Variants in ZNF536 observed in about 807,000 individuals in gnomAD.
ZNF536 encodes the protein zinc finger protein 536.
Under a neutral mutation model 84.5 loss-of-function variants are expected in ZNF536, and 13 were observed. The observed-to-expected ratio is 0.15, with a 90% CI of 0.10 to 0.24. The LOEUF (loss-of-function observed/expected upper bound fraction) is 0.24. Ranked by LOEUF, ZNF536 falls within the 10% of genes least tolerant of loss-of-function variation. The pLI, the probability that ZNF536 is intolerant of heterozygous loss-of-function variation, is 1.00. For missense variants in ZNF536, 1,536 were observed against 1,747.5 expected, an observed-to-expected ratio of 0.88 and a Z score of 2.16; for synonymous variants, 811 against 742.5, an observed-to-expected ratio of 1.09 and a Z score of -1.50.
At chr19:30,672,501 C>T (rs1214073725) in intron 1 of ZNF536, among the ~76,000 whole-genome samples, 5 of 152,180 alleles carry the variant, frequency 3.3e-5, no homozygotes, top group Non-Finnish European at 7.3e-5. Context: ...TTTCAGGGTC[C>T]ATACAGCAAA....
intron 2 of ZNF536, among the ~76,000 whole-genome samples, chr19:30,297,572 A>G (rs1032439986): frequency 6.6e-6 from 1 of 152,120 alleles, no homozygotes; most frequent in African/African-American, 2.4e-5. Context: ...TCAGAACTCT[A>G]TTTTTTCCTC....
At chr19:30,544,747 G>A (rs896975292) in intron 3 of ZNF536, among the ~76,000 whole-genome samples, 3 of 152,164 alleles carry the variant, frequency 2.0e-5, no homozygotes, top group Admixed American at 6.5e-5. Context: ...TGAGTCAGTG[G>A]GTGACAAGTA....
chr19:30,488,376 A>G (rs530510140), intron 2 of ZNF536, among the ~76,000 whole-genome samples: 6 of 152,076 alleles, frequency 3.9e-5, no homozygotes, highest in Non-Finnish European at 7.4e-5. Context: ...TGCCCGTTGC[A>G]CCCTGCTACT....
At chr19:30,699,084 C>T (rs1257077495) in intron 1 of ZNF536, among the ~76,000 whole-genome samples, 1 of 152,138 alleles carries the variant, frequency 6.6e-6, no homozygotes, top group Non-Finnish European at 1.5e-5. Flanking sequence ...AATCTGACAC[C>T]CCCACTCCAC....
At chr19:30,453,117 T>C (rs2052683883) in intron 2 of ZNF536, among the ~76,000 whole-genome samples, 1 of 151,978 alleles carries the variant, frequency 6.6e-6, no homozygotes, top group African/African-American at 2.4e-5. Flanking sequence ...AGCTGTGGAG[T>C]CTGGCACTGC....
chr19:30,325,037 C>T (rs750016559), intron 2 of ZNF536, among the ~76,000 whole-genome samples: 10 of 152,206 alleles, frequency 6.6e-5, no homozygotes, highest in Admixed American at 2.6e-4. Context: ...GAACCATCCA[C>T]GTTTGCTCCT....
chr19:30,633,260 A>G (rs563323451), intron 1 of ZNF536, among the ~76,000 whole-genome samples: 92 of 152,320 alleles, frequency 6.0e-4, no homozygotes, highest in African/African-American at 2.1e-3. Flanking sequence ...TCGATATTCA[A>G]TTGTATTTAT....
At chr19:30,338,154 T>C (rs1015610342) in intron 2 of ZNF536, among the ~76,000 whole-genome samples, 2 of 151,756 alleles carry the variant, frequency 1.3e-5, no homozygotes, top group Non-Finnish European at 2.9e-5. Context: ...ATTGTGATGA[T>C]TGTGATGATG....
intron 2 of ZNF536, among the ~76,000 whole-genome samples, chr19:30,515,630 G>A (rs2055606741): frequency 6.6e-6 from 1 of 152,088 alleles, no homozygotes; most frequent in Non-Finnish European, 1.5e-5. Context: ...TTATACCTTA[G>A]CCAGAAATCC....
At chr19:30,293,167 G>A (rs1185438118) in intron 2 of ZNF536, among the ~76,000 whole-genome samples, 3 of 152,020 alleles carry the variant, frequency 2.0e-5, no homozygotes, top group Non-Finnish European at 4.4e-5. Flanking sequence ...TTTGCCTCTC[G>A]GGCTCTGATG....
intron 1 of ZNF536, among the ~76,000 whole-genome samples, chr19:30,666,722 CTTTA>C (rs3028506): frequency 0.21 from 31,138 of 150,502 alleles, 3,602 homozygotes; most frequent in African/African-American, 0.29. Flanking sequence ...CTTTTAATTG[CTTTA>C]TTTGTTTTCT....
At chr19:30,563,774 C>T (rs2046257234) in intron 1 of ZNF536, among the ~76,000 whole-genome samples, 1 of 152,132 alleles carries the variant, frequency 6.6e-6, no homozygotes, top group Non-Finnish European at 1.5e-5. Context: ...TCCCAGAAGA[C>T]ACAGGAGGGA....
Position 30,644,927 on chromosome 19 carries a change from C to G in ZNF536, c.170-65830C>G, listed in dbSNP as rs530975636. On this transcript the variant is annotated intron_variant, in intron 1 of 1. Coordinates refer to the ZNF536 transcript ENST00000592773. ...CAAATGGTATTTCTAGTTCTAGATC[C>G]CTGAGGAATCGCCACACTGACTTCC... Among the ~76,000 whole-genome samples the G allele has an allele frequency of 2.5e-3, 376 of 152,206 alleles. 1 individual carries two copies. The highest frequency in any genetic ancestry group is 8.8e-3 in the African/African-American group (365 of 41,490).
At chr19:30,602,623 T>C (rs1356692914) in intron 1 of ZNF536, among the ~76,000 whole-genome samples, 1 of 152,168 alleles carries the variant, frequency 6.6e-6, no homozygotes, top group African/African-American at 2.4e-5. Flanking sequence ...CACGTGTGCA[T>C]ATTTTCATCT....
intron 3 of ZNF536, among the ~76,000 whole-genome samples, chr19:30,547,739 G>T (rs2045609308): frequency 6.6e-6 from 1 of 151,716 alleles, no homozygotes; most frequent in Non-Finnish European, 1.5e-5. Context: ...TAGATAGTAT[G>T]TCATTCCTGA....
At chr19:30,713,335 A>C (rs2052510126) in exon 2 of ZNF536, 1 of 152,184 alleles carries the variant, frequency 6.6e-6, no homozygotes, top group South Asian at 2.1e-4. Context: ...TGGTCATAAT[A>C]CTGTCTACAT....
At chr19:30,355,143 G>A (rs764032460) in intron 3 of ZNF536, among the ~76,000 whole-genome samples, 4 of 152,124 alleles carry the variant, frequency 2.6e-5, no homozygotes, top group Non-Finnish European at 5.9e-5. Context: ...CAAGCATGGC[G>A]CCAGCATCTG....
chr19:30,300,769 C>T (rs1337952255), intron 2 of ZNF536: 2 of 152,210 alleles, frequency 1.3e-5, no homozygotes, highest in Non-Finnish European at 2.9e-5. Context: ...CGAAGAAATA[C>T]CCCAGGTACC....
chr19:30,595,406 G>A (rs1169443590), intron 1 of ZNF536, among the ~76,000 whole-genome samples: 1 of 152,130 alleles, frequency 6.6e-6, no homozygotes, highest in Non-Finnish European at 1.5e-5. Flanking sequence ...TCTGGCCTCA[G>A]CCTCCCGAGT....
Sources: gnomAD v4.1 joint callset for allele counts (sites outside exome capture counted in the v4.1 genomes callset) on GRCh38, gnomAD v4.1.1 for gene constraint, MANE v1.5 for transcripts, NCBI Gene and HGNC (gene_info 2026-07-23, HGNC 2026-07-21) for gene names.